Variants in ABCA5 observed in about 807,000 individuals in gnomAD.
ABCA5 encodes ATP binding cassette subfamily A member 5.
A neutral mutation model predicts 206.0 loss-of-function variants in ABCA5; 163 were observed. That is an observed-to-expected ratio of 0.79 (90% CI 0.70 to 0.90). The LOEUF (loss-of-function observed/expected upper bound fraction) is 0.90. Among genes scored for constraint, ABCA5 ranks in the 40% least tolerant of loss-of-function variants. The pLI is 0.00. For synonymous variants in ABCA5, 609 were observed against 613.8 expected (o/e 0.99, Z 0.11); for missense variants, 1,859 against 1,912.9 (o/e 0.97, Z 0.53).
chr17:69,314,579 T>G, intron 1 of ABCA5, 149 bp from the exon 2 acceptor site: 1 of 546,342 alleles, frequency 1.8e-6, no homozygotes, highest in South Asian at 2.6e-5. Context: ...CTGGACAGAA[T>G]GCATGGAGCA....
At chr17:69,291,418 C>G in intron 11 of ABCA5, 92 bp from the exon 12 acceptor site, 1 of 702,862 alleles carries the variant, frequency 1.4e-6, no homozygotes, top group Non-Finnish European at 2.3e-6. Context: ...CTTCAAGGCA[C>G]TATATCTATA....
chr17:69,262,489 G>T (rs2075160222), intron 24 of ABCA5, among the ~76,000 whole-genome samples: 1 of 152,084 alleles, frequency 6.6e-6, no homozygotes. Flanking sequence ...GCAATAGTTG[G>T]TTTTCTGTTC....
chr17:69,268,107 T>C (rs1387905331), intron 22 of ABCA5, 51 bp from the exon 23 acceptor site: 4 of 841,304 alleles, frequency 4.8e-6, no homozygotes, highest in South Asian at 1.5e-5. Context: ...ATTTTATATC[T>C]TAAGATATAT....
intron 18 of ABCA5, among the ~76,000 whole-genome samples, chr17:69,279,243 C>T (rs1320295111): frequency 6.6e-6 from 1 of 152,030 alleles, no homozygotes; most frequent in African/African-American, 2.4e-5. Flanking sequence ...ACACCAACAA[C>T]AGACAGAGAG....
rs957350856 is a variant in ABCA5 at position 69,301,052 on chromosome 17, G to GA, written c.1267+86dup. ...ATATGACTTAGGGTACCCTGGTTAGGAAAAAAAATCTTAAAATTAAGCTGA... is the reference window on the plus strand; with the variant it reads ...ATATGACTTAGGGTACCCTGGTTAGGAAAAAAAAATCTTAAAATTAAGCTGA... On this transcript the variant is annotated intron_variant, in intron 9 of 38. Transcript: ENST00000392676. 96 of 1,240,966 alleles carry GA rather than the reference G, an allele frequency of 7.7e-5. No homozygotes were observed. The South Asian group carries it at 9.5e-4, about 12-fold the overall frequency. The allele number at this position is 1,240,966 out of a possible 1,614,324, so 76.9% of individuals were successfully genotyped here.
At position 69,290,052 on chromosome 17, in the gene ABCA5, T is replaced by A. The variant is rs940141823; in HGVS notation, c.1607-15A>T. 6.7e-6 allele frequency: 10 copies of A among 1,488,580 alleles called. No individual in the cohort carries two copies. The African/African-American group carries it at 1.4e-4, about 21-fold the overall frequency. The allele number at this position is 1,488,580 out of a possible 1,614,324, so 92.2% of individuals were successfully genotyped here. A position where few individuals can be genotyped will look rare whatever the true frequency, so the allele number is the denominator to read the frequency against. On this transcript the variant is annotated splice_polypyrimidine_tract_variant and intron_variant, in intron 12 of 38. Coordinates refer to ENST00000392676, the MANE Select transcript of ABCA5 (RefSeq NM_172232.4). ...AGATGCAAACCCTAAAAGCAAAATA[T>A]ATATTTAAATGTACATTAATTATTT...
At chr17:69,319,138 A>G (rs984239653) in intron 1 of ABCA5, among the ~76,000 whole-genome samples, 2 of 152,234 alleles carry the variant, frequency 1.3e-5, no homozygotes, top group African/African-American at 4.8e-5. Context: ...CACATTTAGC[A>G]AAGAGTTGAT....
At chr17:69,261,527 TA>T in intron 25 of ABCA5, 107 bp downstream of exon 25, 1 of 640,402 alleles carries the variant, frequency 1.6e-6, no homozygotes, top group Non-Finnish European at 2.6e-6. Context: ...ATTACCTATC[TA>T]AATTATTCAC....
In ABCA5 at chr17:69,287,590, C is replaced by T. The variant is rs201603344; in HGVS notation, c.2041+23G>A. ...CCTTTTGGCCCATGATCTCAGCCTTCGAAAATAAAACAAAAATCTCACCTG... is the reference window on the plus strand; with the variant it reads ...CCTTTTGGCCCATGATCTCAGCCTTTGAAAATAAAACAAAAATCTCACCTG... On this transcript the variant is annotated intron_variant, in intron 15 of 38. Coordinates refer to ENST00000392676, the MANE Select transcript of ABCA5 (RefSeq NM_172232.4). The T allele has an allele frequency of 2.5e-4, 400 of 1,597,988 alleles. 4 individuals carry two copies. In the African/African-American group the frequency reaches 3.6e-3, roughly 14 times the overall value.
At chr17:69,271,468 ATTCGTCC>A (rs1048028720) in intron 20 of ABCA5, among the ~76,000 whole-genome samples, 179 bp from the exon 21 acceptor site, 94 of 152,344 alleles carry the variant, frequency 6.2e-4, no homozygotes, top group African/African-American at 2.2e-3. Context: ...ACATTAAACT[ATTCGTCC>A]TTCAAGCAAG....
chr17:69,325,660 T>C (rs2075892695), intron 1 of ABCA5: 1 of 152,142 alleles, frequency 6.6e-6, no homozygotes, highest in South Asian at 2.1e-4. Context: ...CTGGGCAATA[T>C]AGCAAGACTT....
intron 37 of ABCA5, chr17:69,249,286 C>A (rs1259225086): frequency 2.6e-5 from 4 of 152,108 alleles, no homozygotes; most frequent in African/African-American, 9.7e-5. Context: ...ATAAAATAAT[C>A]TGCATATGAA....
chr17:69,277,372 C>T (rs1308696881), intron 19 of ABCA5, among the ~76,000 whole-genome samples: 1 of 152,028 alleles, frequency 6.6e-6, no homozygotes, highest in African/African-American at 2.4e-5. Context: ...GATACAATGA[C>T]AGTAATTAAA....
chr17:69,250,808 C>T (rs2075004369), intron 35 of ABCA5, 187 bp from the exon 36 acceptor site: 1 of 358,836 alleles, frequency 2.8e-6, no homozygotes, highest in Non-Finnish European at 4.9e-6. Context: ...TCTTATATTA[C>T]CATGGTAAAT....
At position 69,256,173 on chromosome 17, in the gene ABCA5, C is replaced by G. The variant is rs977846185; in HGVS notation, c.3842G>C (p.Cys1281Ser). The G allele has an allele frequency of 3.7e-6, 6 of 1,604,132 alleles. No individual in the cohort carries two copies. The highest frequency in any genetic ancestry group is 5.1e-6 in the Non-Finnish European group (6 of 1,175,810). The change falls in exon 29 of 39, where the codon TGC becomes TCC. Residue 1281 changes from cysteine to serine, a missense_variant. Physicochemically the swap from Cys to Ser is moderately radical, Grantham distance 112. Coordinates refer to ENST00000392676, the MANE Select transcript of ABCA5 (RefSeq NM_172232.4). ...ERLKVKELMGCQCCEEKPSIM... is the reference protein window; with the variant it reads ...ERLKVKELMGSQCCEEKPSIM... ...ATAAATTACCTCCTCACAACACTGG[C>G]AACCCATCAGCTCTTTGACCTTTAG...
chr17:69,271,193 C>T lies in ABCA5; in HGVS notation c.2861G>A (p.Ser954Asn). 6.2e-7 allele frequency: 1 copy of T among 1,613,412 alleles called. No individual in the cohort carries two copies. The highest frequency in any genetic ancestry group is 2.2e-5 in the East Asian group (1 of 44,828). ...TGAATGCATCACATTTAAAGCCGCA[C>T]TATGGGGAGCCACGGATACATAGTC... ...DSDYVSVAPH[S>N]AALNVMHSEK... The change falls in exon 21 of 39, where the codon AGT becomes AAT. Residue 954 changes from serine to asparagine, a missense_variant. Transcript: ENST00000392676.
At chr17:69,313,055 A>G (rs765208735) in intron 3 of ABCA5, 37 bp downstream of exon 3, 1 of 1,401,788 alleles carries the variant, frequency 7.1e-7, no homozygotes, top group Non-Finnish European at 9.6e-7. Context: ...AAAAGGCTTA[A>G]TATTATAAAC....
rs1189607921 is a variant in ABCA5 at position 69,244,503 on chromosome 17, T to C, written c.*3034A>G. Reference sequence around the variant, plus strand: ...CATTGAGAATTGCTTACATATATTATAAATAAAAAATAATTAAACTTTTAC... The same window carrying C: ...CATTGAGAATTGCTTACATATATTACAAATAAAAAATAATTAAACTTTTAC... On this transcript the variant is annotated 3_prime_UTR_variant, in exon 39 of 39. Coordinates refer to ENST00000392676, the MANE Select transcript of ABCA5 (RefSeq NM_172232.4). The C allele has an allele frequency of 6.6e-6, 1 of 151,706 alleles. No homozygotes were observed. Among genetic ancestry groups the C allele is most frequent in the Non-Finnish European group, 1.5e-5 (1 of 67,846 alleles). 9.4% of individuals were successfully genotyped at this position (151,706 alleles called of 1,614,324 possible). A position where few individuals can be genotyped will look rare whatever the true frequency, so the allele number is the denominator to read the frequency against.
chr17:69,266,797 TAG>T (rs1267771900), intron 23 of ABCA5, among the ~76,000 whole-genome samples: 1 of 147,560 alleles, frequency 6.8e-6, no homozygotes, highest in Non-Finnish European at 1.5e-5. Flanking sequence ...ATTTTAAAAA[TAG>T]AGATATGTGT....
Sources: allele counts gnomAD v4.1 joint callset (sites outside exome capture counted in the v4.1 genomes callset), GRCh38; gene constraint gnomAD v4.1.1; transcripts MANE v1.5; gene names NCBI Gene and HGNC (gene_info 2026-07-23, HGNC 2026-07-21).